The following SPOCK2 variants were observed in gnomAD, a reference collection of about 807,000 sequenced individuals.
The protein encoded by SPOCK2 is testican-2.
In SPOCK2, 39 loss-of-function variants were observed where a neutral mutation model predicts 60.1. The ratio of observed to expected loss-of-function variants is 0.65; its 90% CI spans 0.50 to 0.85. The LOEUF (loss-of-function observed/expected upper bound fraction) is 0.85, where lower values mean the gene tolerates loss of function less well. Ranked by LOEUF, SPOCK2 falls within the 40% of genes least tolerant of loss-of-function variation. The pLI is 0.00. For missense variants in SPOCK2, 523 were observed against 567.4 expected, an observed-to-expected ratio of 0.92 and a Z score of 0.80; for synonymous variants, 217 against 231.5, an observed-to-expected ratio of 0.94 and a Z score of 0.57.
chr10:72,086,970 C>A (rs529916211), intron 1 of SPOCK2: 2 of 1,551,628 alleles, frequency 1.3e-6, no homozygotes, highest in Admixed American at 3.9e-5. Context: ...CTGCGTTGTA[C>A]TGGGTGGGTC....
chr10:72,081,039 T>C (rs1840777232), intron 1 of SPOCK2, among the ~76,000 whole-genome samples: 1 of 151,418 alleles, frequency 6.6e-6, no homozygotes, highest in African/African-American at 2.4e-5. Context: ...TCCTGGAACA[T>C]GGGGGTGGGG....
intron 1 of SPOCK2, among the ~76,000 whole-genome samples, chr10:72,082,113 C>T (rs546015533): frequency 3.3e-5 from 5 of 152,310 alleles, no homozygotes; most frequent in Admixed American, 6.5e-5. Context: ...AGATACAGCC[C>T]GCAGTGTAAG....
chr10:72,076,183 A>G (rs1383481545), intron 1 of SPOCK2, among the ~76,000 whole-genome samples: 1 of 152,060 alleles, frequency 6.6e-6, no homozygotes, highest in African/African-American at 2.4e-5. Context: ...TGTGGGGAGG[A>G]ATGACGAGGA....
At chr10:72,063,832 T>C (rs1241408028) in intron 9 of SPOCK2, among the ~76,000 whole-genome samples, 1 of 152,172 alleles carries the variant, frequency 6.6e-6, no homozygotes, top group Non-Finnish European at 1.5e-5. Flanking sequence ...TGTGAGTGAG[T>C]GTCACTCAGG....
At chr10:72,080,662 C>A (rs940222865) in intron 1 of SPOCK2, among the ~76,000 whole-genome samples, 1 of 152,032 alleles carries the variant, frequency 6.6e-6, no homozygotes, top group Non-Finnish European at 1.5e-5. Flanking sequence ...ACTTGAGCCT[C>A]TCTTGGAGGG....
intron 1 of SPOCK2, among the ~76,000 whole-genome samples, chr10:72,084,405 T>C (rs1477869472): frequency 6.6e-6 from 1 of 152,222 alleles, no homozygotes; most frequent in African/African-American, 2.4e-5. Context: ...AGGCCAGAGC[T>C]GTCCCAGCAC....
chr10:72,077,033 G>C (rs748722718), intron 1 of SPOCK2, among the ~76,000 whole-genome samples: 3 of 152,212 alleles, frequency 2.0e-5, no homozygotes, highest in Non-Finnish European at 2.9e-5. Context: ...CTTTCAGCCT[G>C]GCCCACGGTG....
chr10:72,067,269 C>G (rs750627224), intron 7 of SPOCK2, 149 bp from the exon 8 acceptor site: 1 of 850,720 alleles, frequency 1.2e-6, no homozygotes, highest in Non-Finnish European at 1.8e-6. Context: ...AACTCGAGAA[C>G]GGCGAAAGGT....
At position 72,087,146 on chromosome 10, in the gene SPOCK2, C is replaced by T. The variant is rs1333612704; in HGVS notation, c.189+994G>A. 6.6e-6 allele frequency among the ~76,000 whole-genome samples: 1 copy of T among 152,046 alleles called. No homozygotes were observed. Among genetic ancestry groups the T allele is most frequent in the Non-Finnish European group, 1.5e-5 (1 of 67,984 alleles). ...CCCCAACGATCTCGGGGTCCAGCCACACCCTCCGCCCGCCCTGCCTCACCC... is the reference window on the plus strand; with the variant it reads ...CCCCAACGATCTCGGGGTCCAGCCATACCCTCCGCCCGCCCTGCCTCACCC... On this transcript the variant is annotated intron_variant, in intron 1 of 10. Coordinates refer to ENST00000373109, the MANE Select transcript of SPOCK2 (RefSeq NM_001244950.2). The surrounding 1 kb of genome is among the most constrained non-coding windows in gnomAD (Gnocchi z 4.7).
rs369710370 is a variant in SPOCK2, at chr10:72,062,790, G to T, written c.1245C>A (p.Gly415=). Residue 415 remains glycine, a synonymous_variant, in exon 11 of 11, where the codon GGC becomes GGA. Transcript: ENST00000373109. The surrounding 1 kb of genome is among the most constrained non-coding windows in gnomAD (Gnocchi z 4.3). ...AGATGTAGCCCCCGTCGTCAGCCTCGCCTGCCTCGCCCTCCTCCTCCTCGG... is the reference window on the plus strand; with the variant it reads ...AGATGTAGCCCCCGTCGTCAGCCTCTCCTGCCTCGCCCTCCTCCTCCTCGG... ...EEAEEEEGEA[G]EADDGGYIW 1 of 1,608,432 alleles carries T rather than the reference G, an allele frequency of 6.2e-7. No individual in the cohort carries two copies. Among genetic ancestry groups the T allele is most frequent in the South Asian group, 1.1e-5 (1 of 91,052 alleles).
At chr10:72,063,273 C>A in intron 9 of SPOCK2, 111 bp from the exon 10 acceptor site, 1 of 1,441,996 alleles carries the variant, frequency 6.9e-7, no homozygotes, top group Non-Finnish European at 9.2e-7. Context: ...ACCCCCAGAG[C>A]CCAGCCAGAC....
intron 1 of SPOCK2, chr10:72,086,980 C>G (rs754446692): frequency 1.6e-5 from 25 of 1,551,388 alleles, no homozygotes; most frequent in Non-Finnish European, 2.2e-5. Context: ...CTGGGTGGGT[C>G]GGACGAGGGA....
intron 5 of SPOCK2, 35 bp from the exon 6 acceptor site, chr10:72,068,336 G>T (rs1028542376): frequency 1.3e-6 from 2 of 1,563,028 alleles, no homozygotes; most frequent in Admixed American, 1.8e-5. Context: ...GGGGACTGAG[G>T]GCTTACCCCA....
rs544963387 is a variant in SPOCK2 at position 72,064,171 on chromosome 10, C to T, written c.991+7G>A. ...TCCTCCTCTGAGAGCCTGGTCTGGC[C>T]CCTCACCTGGCTTCTTCTTGGCGGC... On this transcript the variant is annotated splice_region_variant and intron_variant, in intron 9 of 10. Transcript: ENST00000373109. 2 of 1,612,242 alleles carry T rather than the reference C, an allele frequency of 1.2e-6. No homozygotes were observed. Among genetic ancestry groups the T allele is most frequent in the African/African-American group, 1.3e-5 (1 of 74,982 alleles).
upstream of SPOCK2, chr10:72,088,618 G>GT (rs1181494195): frequency 4.9e-5 from 14 of 283,194 alleles, no homozygotes; most frequent in African/African-American, 3.0e-4. Flanking sequence ...ATCATACCTG[G>GT]TTTAAAAAAA....
chr10:72,063,291 T>C, intron 9 of SPOCK2, 129 bp from the exon 10 acceptor site: 1 of 1,356,132 alleles, frequency 7.4e-7, no homozygotes, highest in Non-Finnish European at 9.9e-7. Flanking sequence ...GACCGGGTGC[T>C]GACCCCCCAA....
chr10:72,083,125 T>C (rs1840808785), intron 1 of SPOCK2, among the ~76,000 whole-genome samples: 1 of 152,188 alleles, frequency 6.6e-6, no homozygotes, highest in South Asian at 2.1e-4. Flanking sequence ...CAAGATGCCA[T>C]TAGGCCCCAT....
Position 72,068,178 on chromosome 10 carries a change from T to A in SPOCK2, c.589+9A>T, listed in dbSNP as rs367868855. On this transcript the variant is annotated intron_variant, in intron 6 of 10. Coordinates refer to ENST00000373109, the MANE Select transcript of SPOCK2 (RefSeq NM_001244950.2). The stretch of plus-strand genomic sequence containing the variant: ...CACCCCTAGCCTGGTGGCCCAGCAC[T>A]GTCCTCACCTGGTTTGCCATCGGCG... 7 of 1,605,528 alleles carry A rather than the reference T, an allele frequency of 4.4e-6. No individual in the cohort carries two copies. In the African/African-American group the frequency reaches 8.0e-5, roughly 18 times the overall value.
At chr10:72,088,578 AACTG>A (rs1840899179), upstream of SPOCK2, 3 of 459,486 alleles carry the variant, frequency 6.5e-6, no homozygotes, top group Admixed American at 1.2e-4. Context: ...CAGGGGCTGT[AACTG>A]TAGCATCAGC....
Sources: gnomAD v4.1 joint callset for allele counts (sites outside exome capture counted in the v4.1 genomes callset) on GRCh38, gnomAD v4.1.1 for gene constraint, Gnocchi (gnomAD v3.1) non-coding constraint, MANE v1.5 for transcripts, NCBI Gene and HGNC (gene_info 2026-07-23, HGNC 2026-07-21) for gene names.